The following SLMAP variants were observed in gnomAD, a reference collection of about 807,000 sequenced individuals.
SLMAP encodes sarcolemmal membrane-associated protein.
SLMAP carries 44 observed loss-of-function variants against 128.8 expected under a neutral mutation model. The observed-to-expected ratio is 0.34, with a 90% CI of 0.27 to 0.44. The LOEUF is 0.44. Among genes scored for constraint, SLMAP ranks in the 20% least tolerant of loss-of-function variants. The probability of loss-of-function intolerance (pLI) is 1.00; values close to 1 mark genes in which losing one functional copy is unlikely to be tolerated. For missense variants in SLMAP, 787 were observed against 985.3 expected (o/e 0.80, Z 2.69); for synonymous variants, 327 against 348.8 (o/e 0.94, Z 0.70).
chr3:57,870,698 G>A (rs971707188), intron 13 of SLMAP, among the ~76,000 whole-genome samples: 6 of 152,300 alleles, frequency 3.9e-5, no homozygotes, highest in African/African-American at 1.2e-4. Flanking sequence ...TGAGGTGGAC[G>A]AGAGGGGAAG....
intron 2 of SLMAP, among the ~76,000 whole-genome samples, chr3:57,813,237 A>G (rs1283731810): frequency 1.3e-5 from 2 of 151,878 alleles, no homozygotes; most frequent in Non-Finnish European, 2.9e-5. Context: ...CTGGGATTAC[A>G]GGCATGCGCC....
chr3:57,782,163 A>C (rs2083224793), intron 2 of SLMAP, among the ~76,000 whole-genome samples: 1 of 152,236 alleles, frequency 6.6e-6, no homozygotes, highest in South Asian at 2.1e-4. Flanking sequence ...CTCTTGAAAT[A>C]GAGAAATTTT....
intron 2 of SLMAP, among the ~76,000 whole-genome samples, chr3:57,803,964 C>G (rs2089221987): frequency 6.6e-6 from 1 of 152,156 alleles, no homozygotes; most frequent in Non-Finnish European, 1.5e-5. Context: ...AATATGCTTC[C>G]TGTTGACTTT....
intron 14 of SLMAP, among the ~76,000 whole-genome samples, chr3:57,880,161 G>A (rs1321724023): frequency 6.9e-6 from 1 of 144,004 alleles, no homozygotes; most frequent in East Asian, 2.0e-4. Flanking sequence ...GTTCCTTTTT[G>A]TATGTCATTT....
chr3:57,831,549 T>G lies in SLMAP; in HGVS notation c.346+19T>G. The G allele has an allele frequency of 6.9e-7, 1 of 1,439,646 alleles. No individual in the cohort carries two copies. The allele number at this position is 1,439,646 out of a possible 1,614,324, so 89.2% of individuals were successfully genotyped here. The stretch of plus-strand genomic sequence containing the variant: ...CGGAAAGGTACGGGTATGGATCACT[T>G]TTTTTATTACTTGTCTTTTAAAGGT... On this transcript the variant is annotated intron_variant, in intron 3 of 24. Transcript: ENST00000671191.
rs2094298531 is a variant in SLMAP at position 57,847,203 on chromosome 3, C to T, written c.426C>T (p.Ile142=). ...TCTAAATTTTACTTTTCAGTGTCATCCATGCACCATTACCAAGTCCTGTTG... is the reference window on the plus strand; with the variant it reads ...TCTAAATTTTACTTTTCAGTGTCATTCATGCACCATTACCAAGTCCTGTTG... The part of the protein sequence containing the change: ...GMEARLRSDV[I]HAPLPSPVDK... Residue 142 remains isoleucine (I), a synonymous_variant, in exon 5 of 25, where the codon ATC becomes ATT. Coordinates refer to ENST00000671191, the MANE Select transcript of SLMAP (RefSeq NM_001377540.1). 6.2e-7 allele frequency: 1 copy of T among 1,604,352 alleles called. No homozygotes were observed. The highest frequency in any genetic ancestry group is 8.5e-7 in the Non-Finnish European group (1 of 1,173,922).
At chr3:57,806,289 T>C (rs1057107450) in intron 2 of SLMAP, among the ~76,000 whole-genome samples, 5 of 152,280 alleles carry the variant, frequency 3.3e-5, no homozygotes, top group South Asian at 4.1e-4. Context: ...CTGCCACTTA[T>C]GAGTGAGAAC....
At chr3:57,835,553 T>C (rs543884037) in intron 3 of SLMAP, among the ~76,000 whole-genome samples, 1 of 152,264 alleles carries the variant, frequency 6.6e-6, no homozygotes, top group Admixed American at 6.5e-5. Flanking sequence ...TCTATCAACA[T>C]AATCCACAGA....
At chr3:57,837,896 G>GCAT (rs1403389093) in intron 3 of SLMAP, among the ~76,000 whole-genome samples, 4 of 152,100 alleles carry the variant, frequency 2.6e-5, no homozygotes, top group Admixed American at 2.0e-4. Context: ...CACATTAAAG[G>GCAT]CATCGTTGAC....
chr3:57,814,210 T>C (rs558171692), intron 2 of SLMAP, among the ~76,000 whole-genome samples: 2 of 152,214 alleles, frequency 1.3e-5, no homozygotes, highest in African/African-American at 4.8e-5. Context: ...CTTCTTTCCA[T>C]TCATCGTCCA....
Position 57,849,824 on chromosome 3 carries a change from T to G in SLMAP, c.519+8T>G, listed in dbSNP as rs2094439232. The G allele has an allele frequency of 6.9e-7, 1 of 1,454,592 alleles. No individual in the cohort carries two copies. Among genetic ancestry groups the G allele is most frequent in the Non-Finnish European group, 9.7e-7 (1 of 1,034,758 alleles). 90.1% of individuals were successfully genotyped at this position (1,454,592 alleles called of 1,614,324 possible). On this transcript the variant is annotated splice_region_variant and intron_variant, in intron 6 of 24. Transcript: ENST00000671191. The stretch of plus-strand genomic sequence containing the variant: ...CTTTCTCAGTATCTACAGGTAAAAG[T>G]ACATCTTGAGACTTCTTAAAAGCAG...
intron 2 of SLMAP, among the ~76,000 whole-genome samples, chr3:57,795,221 T>G (rs1401273494): frequency 6.6e-6 from 1 of 152,250 alleles, no homozygotes; most frequent in Non-Finnish European, 1.5e-5. Flanking sequence ...GTATCTTTTT[T>G]GGAGAAATAT....
intron 22 of SLMAP, among the ~76,000 whole-genome samples, chr3:57,919,499 T>G (rs1046128604): frequency 1.3e-5 from 2 of 152,044 alleles, no homozygotes; most frequent in Non-Finnish European, 2.9e-5. Flanking sequence ...ATATCTGTAA[T>G]TTAAGAATTT....
chr3:57,897,055 A>C (rs1378499385), intron 17 of SLMAP, 123 bp downstream of exon 17: 5 of 1,465,430 alleles, frequency 3.4e-6, no homozygotes, highest in Admixed American at 5.6e-5. Flanking sequence ...TAGGTTCTGT[A>C]AAGTAGCAGG....
chr3:57,856,960 G>A (rs1450248436), intron 6 of SLMAP, among the ~76,000 whole-genome samples: 2 of 152,092 alleles, frequency 1.3e-5, no homozygotes, highest in African/African-American at 4.8e-5. Flanking sequence ...TGTATATGCA[G>A]TCTATAGTTG....
At chr3:57,837,648 C>A (rs952352210) in intron 3 of SLMAP, among the ~76,000 whole-genome samples, 12 of 152,172 alleles carry the variant, frequency 7.9e-5, no homozygotes, top group African/African-American at 2.4e-4. Context: ...GGATTACAGG[C>A]GTGAGCCACT....
At chr3:57,873,484 CAG>C (rs2095531380) in intron 14 of SLMAP, among the ~76,000 whole-genome samples, 1 of 151,934 alleles carries the variant, frequency 6.6e-6, no homozygotes, top group African/African-American at 2.4e-5. Context: ...GCCTAGGCGA[CAG>C]AGTGAGACTC....
At chr3:57,887,395 A>G (rs1298495182) in intron 14 of SLMAP, among the ~76,000 whole-genome samples, 1 of 152,028 alleles carries the variant, frequency 6.6e-6, no homozygotes, top group Non-Finnish European at 1.5e-5. Context: ...ACATCCAGCT[A>G]ATTTTGGGGT....
chr3:57,882,408 T>C (rs930027292), intron 14 of SLMAP, among the ~76,000 whole-genome samples: 4 of 152,182 alleles, frequency 2.6e-5, no homozygotes, highest in African/African-American at 9.6e-5. Flanking sequence ...TGAACAGATA[T>C]GGGACTAAGC....
Sources: gnomAD v4.1 joint callset for allele counts (sites outside exome capture counted in the v4.1 genomes callset) on GRCh38, gnomAD v4.1.1 for gene constraint, MANE v1.5 for transcripts, NCBI Gene and HGNC (gene_info 2026-07-23, HGNC 2026-07-21) for gene names.